The following PIK3R2 variants were observed in gnomAD, a reference collection of about 807,000 sequenced individuals.
PIK3R2 encodes the protein phosphatidylinositol 3-kinase regulatory subunit beta.
PIK3R2 carries 40 observed loss-of-function variants against 78.5 expected under a neutral mutation model. That is an observed-to-expected ratio of 0.51 (90% CI 0.40 to 0.66). The LOEUF (loss-of-function observed/expected upper bound fraction) is 0.66. PIK3R2 is among the 30% of genes least tolerant of loss of function. The pLI is 0.00. For missense variants in PIK3R2, 880 were observed against 1,026.6 expected, an observed-to-expected ratio of 0.86 and a Z score of 1.95; for synonymous variants, 473 against 457.7, an observed-to-expected ratio of 1.03 and a Z score of -0.43.
In PIK3R2 at chr19:18,168,522, TG is replaced by T; in HGVS notation, c.1788del (p.Ile597LeufsTer40). On this transcript the variant is annotated frameshift_variant, in exon 14 of 16. Transcript: ENST00000222254. LOFTEE classifies it high-confidence loss of function. The surrounding 1 kb of genome is among the most constrained non-coding windows in gnomAD (Gnocchi z 4.1). ...CGGCAGAAGAAAATCAACGAGTGGC[TG>T]GGGATTAAAAATGAGACTGAGGAGT... ...GARQKKINEW[L>X]GIKNETEDQY... is the part of the protein sequence containing the mutation. 1.3e-6 allele frequency: 1 copy of T among 781,156 alleles called. No homozygotes were observed. Among genetic ancestry groups the T allele is most frequent in the South Asian group, 1.3e-5 (1 of 74,578 alleles). 48.4% of individuals were successfully genotyped at this position (781,156 alleles called of 1,614,324 possible).
intron 1 of PIK3R2, among the ~76,000 whole-genome samples, chr19:18,153,810 C>G (rs2043648089): frequency 6.6e-6 from 1 of 152,158 alleles, no homozygotes; most frequent in African/African-American, 2.4e-5. Flanking sequence ...TCCCGGGGCG[C>G]GCACACCGGG....
Position 18,167,465 on chromosome 19 carries a change from C to T in PIK3R2, c.1736+159C>T, listed in dbSNP as rs2043821435. ...TCCTCCCGGGCCCCTTGAAAGTTTT[C>T]CCATAGGTCAGCCTCAGCTTAGTCA... On this transcript the variant is annotated intron_variant, in intron 13 of 15. Transcript: ENST00000222254. This position sits in a 1 kb window ranked among gnomAD's most constrained non-coding sequence, Gnocchi z 4.5. Among the ~76,000 whole-genome samples the T allele has an allele frequency of 6.6e-6, 1 of 152,156 alleles. No homozygotes were observed. Among genetic ancestry groups the T allele is most frequent in the Admixed American group, 6.5e-5 (1 of 15,274 alleles).
At position 18,168,277 on chromosome 19, in the gene PIK3R2, G is replaced by A. The variant is rs748007951; in HGVS notation, c.1737-198G>A. Among the ~76,000 whole-genome samples the A allele has an allele frequency of 7.2e-5, 11 of 152,138 alleles. No individual in the cohort carries two copies. The highest frequency in any genetic ancestry group is 1.3e-4 in the Non-Finnish European group (9 of 68,024). On this transcript the variant is annotated intron_variant, in intron 13 of 15. Coordinates refer to ENST00000222254, the MANE Select transcript of PIK3R2 (RefSeq NM_005027.4). The surrounding 1 kb of genome is among the most constrained non-coding windows in gnomAD (Gnocchi z 4.1). ...AAAAAAATGAGGGGTGTGGGTCAGG[G>A]TTCCCCAGCAGAGCTGGGCGAGCCA...
Position 18,156,127 on chromosome 19 carries a change from T to G in PIK3R2, c.248T>G (p.Leu83Arg). 1.3e-6 allele frequency: 2 copies of G among 1,521,460 alleles called. No homozygotes were observed. The highest frequency in any genetic ancestry group is 2.5e-5 in the South Asian group (2 of 79,854). The allele number at this position is 1,521,460 out of a possible 1,614,324, so 94.2% of individuals were successfully genotyped here. The change falls in exon 2 of 16, where the codon CTG becomes CGG. Residue 83 changes from leucine to arginine, a missense_variant. Coordinates refer to ENST00000222254, the MANE Select transcript of PIK3R2 (RefSeq NM_005027.4). The surrounding 1 kb of genome is among the most constrained non-coding windows in gnomAD (Gnocchi z 4.2). ...TYVEFLGPVALARPGPRPRGP... is the reference protein window; with the variant it reads ...TYVEFLGPVARARPGPRPRGP... ...GTGGAGTTCCTGGGGCCCGTGGCCC[T>G]GGCCCGGCCCGGCCCTCGCCCACGG...
At position 18,168,282 on chromosome 19, in the gene PIK3R2, C is replaced by G. The variant is rs1048573066; in HGVS notation, c.1737-193C>G. ...AATGAGGGGTGTGGGTCAGGGTTCC[C>G]CAGCAGAGCTGGGCGAGCCACCCTG... On this transcript the variant is annotated intron_variant, in intron 13 of 15. Coordinates refer to ENST00000222254, the MANE Select transcript of PIK3R2 (RefSeq NM_005027.4). The surrounding 1 kb of genome is among the most constrained non-coding windows in gnomAD (Gnocchi z 4.1). Among the ~76,000 whole-genome samples, 1 of 152,136 alleles carries G rather than the reference C, an allele frequency of 6.6e-6. No homozygotes were observed. The highest frequency in any genetic ancestry group is 1.5e-5 in the Non-Finnish European group (1 of 68,014).
Position 18,155,550 on chromosome 19 carries a change from A to G in PIK3R2, c.-330A>G. On this transcript the variant is annotated 5_prime_UTR_variant, in exon 2 of 16. The change abolishes an upstream ATG in the 5' untranslated region. Coordinates refer to ENST00000222254, the MANE Select transcript of PIK3R2 (RefSeq NM_005027.4). ...GCAGAGCCGCCAGCCTTGGGCGCCC[A>G]TGGCCCTCCGTGTGAGGGCGTGAGC... is the stretch of plus-strand genomic sequence containing the variant. 2.2e-6 allele frequency: 1 copy of G among 454,944 alleles called. No individual in the cohort carries two copies. Among genetic ancestry groups the G allele is most frequent in the Non-Finnish European group, 3.9e-6 (1 of 259,492 alleles). 28.2% of individuals were successfully genotyped at this position (454,944 alleles called of 1,614,324 possible). A position where few individuals can be genotyped will look rare whatever the true frequency, so the allele number is the denominator to read the frequency against.
chr19:18,162,453 C>T lies in PIK3R2; in HGVS notation c.1056C>T (p.Phe352=). 1.2e-6 allele frequency: 2 copies of T among 1,613,578 alleles called. No homozygotes were observed. The highest frequency in any genetic ancestry group is 1.7e-6 in the Non-Finnish European group (2 of 1,180,004). The change falls in exon 9 of 16, where the codon TTC becomes TTT. Residue 352 remains phenylalanine, a synonymous_variant. Coordinates refer to ENST00000222254, the MANE Select transcript of PIK3R2 (RefSeq NM_005027.4). ...EKLRDTPDGT[F]LVRDASSKIQ... ...TCCGGGACACTCCCGATGGCACCTTCCTAGTCCGAGATGCTTCTAGCAAGA... is the reference window on the plus strand; with the variant it reads ...TCCGGGACACTCCCGATGGCACCTTTCTAGTCCGAGATGCTTCTAGCAAGA...
chr19:18,160,293 C>T (rs1202381290), intron 2 of PIK3R2, among the ~76,000 whole-genome samples, 178 bp from the exon 3 acceptor site: 31 of 152,220 alleles, frequency 2.0e-4, no homozygotes, highest in Non-Finnish European at 1.0e-4. Context: ...TCTGCCCTTT[C>T]CCAGCCCCTC....
At chr19:18,163,605 C>T (rs1437981195) in intron 11 of PIK3R2, among the ~76,000 whole-genome samples, 2 of 152,140 alleles carry the variant, frequency 1.3e-5, no homozygotes, top group East Asian at 1.9e-4. Context: ...AGGAGGATCA[C>T]TTGAGCCCAA....
Position 18,162,020 on chromosome 19 carries a change from A to G in PIK3R2, c.870A>G (p.Glu290=), listed in dbSNP as rs1166775669. 6.2e-7 allele frequency: 1 copy of G among 1,613,824 alleles called. No individual in the cohort carries two copies. The highest frequency in any genetic ancestry group is 1.3e-5 in the African/African-American group (1 of 74,924). The change falls in exon 7 of 16, where the codon GAA becomes GAG. Residue 290 remains glutamate (E), a synonymous_variant. Transcript: ENST00000222254. ...PALLVEKLLQ[E]HLEEQEVAPP... ...TGCTGGTGGAGAAGCTGCTTCAGGA[A>G]CACTTGGAAGAGCAGGAGGTTGCGC... is the stretch of plus-strand genomic sequence containing the variant.
At chr19:18,153,454 G>A (rs1037595015) in intron 1 of PIK3R2, among the ~76,000 whole-genome samples, 160 bp downstream of exon 1, 33 of 152,190 alleles carry the variant, frequency 2.2e-4, no homozygotes, top group African/African-American at 7.7e-4. Flanking sequence ...GGGGGGCCTC[G>A]GGCTCGGCTC....
Position 18,155,908 on chromosome 19 carries a change from G to C in PIK3R2, c.29G>C (p.Arg10Pro), listed in dbSNP as rs1371555508. MAGPEGFQY[R>P]ALYPFRRERP... ...GCGGGCCCTGAGGGCTTCCAGTACC[G>C]CGCTCTGTACCCGTTCCGCCGGGAG... is the stretch of plus-strand genomic sequence containing the variant. The change falls in exon 2 of 16, where the codon CGC (arginine) becomes CCC (proline). Residue 10 changes from arginine to proline, a missense_variant. Physicochemically the swap from Arg to Pro is moderately radical, Grantham distance 103. Transcript: ENST00000222254. 1 of 1,562,028 alleles carries C rather than the reference G, an allele frequency of 6.4e-7. No homozygotes were observed. The highest frequency in any genetic ancestry group is 8.7e-7 in the Non-Finnish European group (1 of 1,153,522).
chr19:18,161,402 C>T lies in PIK3R2; in HGVS notation c.722C>T (p.Pro241Leu). The change falls in exon 6 of 16, where the codon CCC becomes CTC. Residue 241 changes from proline to leucine, a missense_variant. Around this residue, in one of 3 missense-constraint regions of PIK3R2, gnomAD observed 456 missense variants for 486.6 expected, o/e 0.94. Transcript: ENST00000222254. The surrounding 1 kb of genome is among the most constrained non-coding windows in gnomAD (Gnocchi z 5.3). ...RVASRAPALGPAVRALGATFG... is the reference protein window; with the variant it reads ...RVASRAPALGLAVRALGATFG... ...GCCAGCCGCGCCCCGGCCCTGGGTC[C>T]CGCGGTCCGGGCCCTGGGCGCCACC... 8.2e-7 allele frequency: 1 copy of T among 1,219,860 alleles called. No individual in the cohort carries two copies. Among genetic ancestry groups the T allele is most frequent in the Non-Finnish European group, 1.0e-6 (1 of 981,480 alleles). The allele number at this position is 1,219,860 out of a possible 1,614,324, so 75.6% of individuals were successfully genotyped here. A position where few individuals can be genotyped will look rare whatever the true frequency, so the allele number is the denominator to read the frequency against.
rs2043670822 is a variant in PIK3R2, at chr19:18,155,796, C to A, written c.-84C>A. Reference sequence around the variant, plus strand: ...GCACCCCAAGCCAACCCAGCGGACCCTCCCAGCCCTGCTTCAACCAATGGG... The same window carrying A: ...GCACCCCAAGCCAACCCAGCGGACCATCCCAGCCCTGCTTCAACCAATGGG... On this transcript the variant is annotated 5_prime_UTR_variant, in exon 2 of 16. Coordinates refer to ENST00000222254, the MANE Select transcript of PIK3R2 (RefSeq NM_005027.4). The A allele has an allele frequency of 7.6e-6, 10 of 1,323,588 alleles. No individual in the cohort carries two copies. The highest frequency in any genetic ancestry group is 1.0e-5 in the Non-Finnish European group (10 of 987,278). 82.0% of individuals were successfully genotyped at this position (1,323,588 alleles called of 1,614,324 possible).
At position 18,160,559 on chromosome 19, in the gene PIK3R2, G is replaced by T. The variant is rs771625378; in HGVS notation, c.411G>T (p.Arg137Ser). The T allele has an allele frequency of 1.9e-6, 3 of 1,611,968 alleles. No homozygotes were observed. Among genetic ancestry groups the T allele is most frequent in the Non-Finnish European group, 2.5e-6 (3 of 1,178,438 alleles). The change falls in exon 3 of 16, where the codon AGG (arginine) becomes AGT (serine). Residue 137 changes from arginine to serine, a missense_variant. Arg to Ser is a moderately radical substitution (Grantham distance 110). Transcript: ENST00000222254. Reference protein sequence around the residue: ...LLVKLVEAIERTGLDSESHYR... With the variant: ...LLVKLVEAIESTGLDSESHYR... ...TGAAGCTTGTGGAGGCCATTGAAAGGACAGGTAAGTTCCAGCCTGGCTGCA... is the reference window on the plus strand; with the variant it reads ...TGAAGCTTGTGGAGGCCATTGAAAGTACAGGTAAGTTCCAGCCTGGCTGCA...
chr19:18,159,144 CTTTTTTT>C (rs57543686), intron 2 of PIK3R2, among the ~76,000 whole-genome samples: 10 of 50,054 alleles, frequency 2.0e-4, no homozygotes, highest in African/African-American at 7.9e-4. Context: ...GCCTGGCCTC[CTTTTTTT>C]TTTTTTTTTT....
rs2043838516 is a variant in PIK3R2 at position 18,168,941 on chromosome 19, C to G, written c.1979+45C>G. On this transcript the variant is annotated intron_variant, in intron 15 of 15. Coordinates refer to ENST00000222254, the MANE Select transcript of PIK3R2 (RefSeq NM_005027.4). This position sits in a 1 kb window ranked among gnomAD's most constrained non-coding sequence, Gnocchi z 4.1. ...GGGGATTCCCGCGTCCCTCCCAGAGCTCTCATTGAATGCCTGCCGCGTGCC... is the reference window on the plus strand; with the variant it reads ...GGGGATTCCCGCGTCCCTCCCAGAGGTCTCATTGAATGCCTGCCGCGTGCC... The G allele has an allele frequency of 6.3e-7, 1 of 1,587,530 alleles. No homozygotes were observed. Among genetic ancestry groups the G allele is most frequent in the African/African-American group, 1.3e-5 (1 of 74,254 alleles).
rs149239492 is a variant in PIK3R2 at position 18,165,321 on chromosome 19, C to T, written c.1417-839C>T. ...TGGAGGTTGCAGTGAGCCGAGATCA[C>T]ACCATTGCACTCCATCCTGGGACAG... On this transcript the variant is annotated intron_variant, in intron 11 of 15. Transcript: ENST00000222254. Among the ~76,000 whole-genome samples the T allele has an allele frequency of 1.4e-3, 208 of 147,714 alleles. 3 individuals carry two copies. Among genetic ancestry groups the T allele is most frequent in the East Asian group, 0.011 (58 of 5,044 alleles).
At position 18,168,111 on chromosome 19, in the gene PIK3R2, C is replaced by T. The variant is rs2043827243; in HGVS notation, c.1737-364C>T. On this transcript the variant is annotated intron_variant, in intron 13 of 15. Transcript: ENST00000222254. This position sits in a 1 kb window ranked among gnomAD's most constrained non-coding sequence, Gnocchi z 4.1. Reference sequence around the variant, plus strand: ...CTTTTCAAGCCCTTTGTAAAGTTTGCCCTTTACAGCTGGGGAGACTGAGGC... The same window carrying T: ...CTTTTCAAGCCCTTTGTAAAGTTTGTCCTTTACAGCTGGGGAGACTGAGGC... 6.6e-6 allele frequency among the ~76,000 whole-genome samples: 1 copy of T among 152,128 alleles called. No homozygotes were observed. The highest frequency in any genetic ancestry group is 1.5e-5 in the Non-Finnish European group (1 of 68,026).
Sources: allele counts gnomAD v4.1 joint callset (sites outside exome capture counted in the v4.1 genomes callset), GRCh38; gene constraint gnomAD v4.1.1; regional missense constraint gnomAD v4.1.1; non-coding constraint Gnocchi (gnomAD v3.1); transcripts MANE v1.5; gene names NCBI Gene and HGNC (gene_info 2026-07-23, HGNC 2026-07-21).